Variants in SEMA6D observed in about 807,000 individuals in gnomAD.
SEMA6D encodes the protein semaphorin 6D, also known as semaphorin-6D.
A neutral mutation model predicts 106.6 loss-of-function variants in SEMA6D; 35 were observed. The ratio of observed to expected loss-of-function variants is 0.33; its 90% CI spans 0.25 to 0.44. The LOEUF (loss-of-function observed/expected upper bound fraction) is 0.44, where lower values mean the gene tolerates loss of function less well. Ranked by LOEUF, SEMA6D falls within the 20% of genes least tolerant of loss-of-function variation. SEMA6D has a pLI of 1.00. For missense variants in SEMA6D, 1,185 were observed against 1,345.9 expected (o/e 0.88, Z 1.87); for synonymous variants, 499 against 487.7 (o/e 1.02, Z -0.31).
At chr15:47,541,019 A>G (rs1193917136) in intron 3 of SEMA6D, among the ~76,000 whole-genome samples, 2 of 152,312 alleles carry the variant, frequency 1.3e-5, no homozygotes, top group Admixed American at 6.5e-5. Flanking sequence ...ATTACAAGAT[A>G]AAGGGGAACC....
At chr15:47,716,405 G>T (rs927788555), upstream of SEMA6D, among the ~76,000 whole-genome samples, 1 of 152,156 alleles carries the variant, frequency 6.6e-6, no homozygotes, top group Non-Finnish European at 1.5e-5. Context: ...AACTGTGTTT[G>T]GGAGAAAGCA....
At chr15:47,374,299 A>G (rs1429403627) in intron 1 of SEMA6D, among the ~76,000 whole-genome samples, 13 of 152,160 alleles carry the variant, frequency 8.5e-5, no homozygotes, top group Non-Finnish European at 1.9e-4. Context: ...GGGGTGGTAA[A>G]GAGAAGTCCT....
intron 3 of SEMA6D, among the ~76,000 whole-genome samples, chr15:47,552,868 T>TTATATA (rs1555389679): frequency 5.2e-5 from 3 of 57,202 alleles, no homozygotes; most frequent in East Asian, 4.8e-4. Context: ...ATATATATTT[T>TTATATA]TATATATATA....
chr15:47,767,196 A>G, intron 17 of SEMA6D, 103 bp downstream of exon 17: 1 of 718,838 alleles, frequency 1.4e-6, no homozygotes. Flanking sequence ...GCAGCCCTTC[A>G]TTTTTCCGCT....
intron 1 of SEMA6D, among the ~76,000 whole-genome samples, chr15:47,298,226 C>T (rs1480331276): frequency 6.6e-6 from 1 of 152,156 alleles, no homozygotes; most frequent in Non-Finnish European, 1.5e-5. Flanking sequence ...TAGGACTGTA[C>T]CTGCCCTGCC....
chr15:47,225,622 G>C (rs1438205134), intron 1 of SEMA6D, among the ~76,000 whole-genome samples: 1 of 146,582 alleles, frequency 6.8e-6, no homozygotes, highest in Non-Finnish European at 1.5e-5. Flanking sequence ...CCACCTCCCA[G>C]GTTCAAGTGA....
At chr15:47,341,645 A>G (rs985071300) in intron 1 of SEMA6D, among the ~76,000 whole-genome samples, 12 of 152,226 alleles carry the variant, frequency 7.9e-5, no homozygotes, top group African/African-American at 2.9e-4. Context: ...ACTTTTTTTA[A>G]CTATAAAATT....
intron 1 of SEMA6D, among the ~76,000 whole-genome samples, chr15:47,749,767 G>A (rs2081332752): frequency 6.6e-6 from 1 of 152,208 alleles, no homozygotes; most frequent in Non-Finnish European, 1.5e-5. Context: ...TTAGTGAATT[G>A]GTGGTAGTGA....
chr15:47,305,959 G>T (rs2036213803), intron 1 of SEMA6D, among the ~76,000 whole-genome samples: 1 of 152,028 alleles, frequency 6.6e-6, no homozygotes, highest in Non-Finnish European at 1.5e-5. Context: ...ATAATAAGAG[G>T]TTTATTGGTA....
intron 4 of SEMA6D, among the ~76,000 whole-genome samples, chr15:47,673,059 A>C (rs2078169092): frequency 6.6e-6 from 1 of 152,058 alleles, no homozygotes; most frequent in Non-Finnish European, 1.5e-5. Flanking sequence ...CGTGGGTTTC[A>C]TCAGGTCATG....
At chr15:47,344,801 A>C (rs1202227119) in intron 1 of SEMA6D, among the ~76,000 whole-genome samples, 1 of 152,234 alleles carries the variant, frequency 6.6e-6, no homozygotes, top group Admixed American at 6.5e-5. Flanking sequence ...ATAAATATCT[A>C]TGTAGAAAAT....
intron 3 of SEMA6D, among the ~76,000 whole-genome samples, chr15:47,528,594 G>A (rs1361867031): frequency 6.6e-6 from 1 of 152,146 alleles, no homozygotes; most frequent in Non-Finnish European, 1.5e-5. Flanking sequence ...ATGTAGTCCT[G>A]ATATGCATGG....
At chr15:47,411,978 A>G (rs943066145) in intron 1 of SEMA6D, among the ~76,000 whole-genome samples, 8 of 152,118 alleles carry the variant, frequency 5.3e-5, no homozygotes, top group African/African-American at 9.7e-5. Context: ...GTGTGGCCCA[A>G]TGTGTGGCCC....
At chr15:47,524,519 A>T (rs1017024861) in intron 3 of SEMA6D, among the ~76,000 whole-genome samples, 5 of 152,236 alleles carry the variant, frequency 3.3e-5, no homozygotes, top group Non-Finnish European at 7.3e-5. Context: ...TTACTTTCCT[A>T]AAGATGCCTG....
At chr15:47,249,249 TAAAC>T (rs904466611) in intron 1 of SEMA6D, among the ~76,000 whole-genome samples, 23 of 151,760 alleles carry the variant, frequency 1.5e-4, no homozygotes, top group East Asian at 3.9e-4. Flanking sequence ...AACAAACAAA[TAAAC>T]AAACAAAACC....
chr15:47,545,241 A>G (rs2045483687), intron 3 of SEMA6D, among the ~76,000 whole-genome samples: 1 of 152,292 alleles, frequency 6.6e-6, no homozygotes, highest in African/African-American at 2.4e-5. Context: ...CTTTGGGGGA[A>G]AAAAGTATAA....
chr15:47,565,626 G>A (rs1165280482), intron 3 of SEMA6D, among the ~76,000 whole-genome samples: 1 of 152,224 alleles, frequency 6.6e-6, no homozygotes, highest in Admixed American at 6.5e-5. Context: ...CACAAGGGTT[G>A]TAGATAAGGG....
chr15:47,494,800 TACACACAC>T (rs71432245), intron 3 of SEMA6D, among the ~76,000 whole-genome samples: 9 of 96,458 alleles, frequency 9.3e-5, no homozygotes, highest in African/African-American at 1.1e-4. Flanking sequence ...AATCTCCAGA[TACACACAC>T]ACACACACAC....
Position 47,772,357 on chromosome 15 carries a change from C to CGTGCGTGTGTGT in SEMA6D, c.*575_*576insCGTGTGTGTGTG, listed in dbSNP as rs1555431242. The stretch of plus-strand genomic sequence containing the variant: ...CACCAACAAACTTGTTGTGTGTGTG[C>CGTGCGTGTGTGT]GTGTGTGTGTGTGTGTGTGTGTGTG... On this transcript the variant is annotated 3_prime_UTR_variant, in exon 19 of 19. Transcript: ENST00000536845. 2.1e-5 allele frequency: 3 copies of CGTGCGTGTGTGT among 141,546 alleles called. No individual in the cohort carries two copies. Among genetic ancestry groups the CGTGCGTGTGTGT allele is most frequent in the Non-Finnish European group, 3.0e-5 (2 of 66,140 alleles). 8.8% of individuals were successfully genotyped at this position (141,546 alleles called of 1,614,324 possible). A position where few individuals can be genotyped will look rare whatever the true frequency, so the allele number is the denominator to read the frequency against.
Sources: gnomAD v4.1 joint callset for allele counts (sites outside exome capture counted in the v4.1 genomes callset) on GRCh38, gnomAD v4.1.1 for gene constraint, MANE v1.5 for transcripts, NCBI Gene and HGNC (gene_info 2026-07-23, HGNC 2026-07-21) for gene names.